Variants in TENM2 observed in about 807,000 individuals in gnomAD.
TENM2 encodes the protein teneurin-2.
TENM2 carries 52 observed loss-of-function variants against 245.2 expected under a neutral mutation model. The observed-to-expected ratio is 0.21, with a 90% CI of 0.17 to 0.27. The LOEUF (loss-of-function observed/expected upper bound fraction) is 0.27, where lower values mean the gene tolerates loss of function less well. TENM2 is among the 10% of genes least tolerant of loss of function. The pLI, the probability that TENM2 is intolerant of heterozygous loss-of-function variation, is 1.00. For synonymous variants in TENM2, 1,363 were observed against 1,438.9 expected, an observed-to-expected ratio of 0.95 and a Z score of 1.19; for missense variants, 3,046 against 3,666.8, an observed-to-expected ratio of 0.83 and a Z score of 4.37.
chr5:167,532,438 C>G (rs1331466168), intron 2 of TENM2, among the ~76,000 whole-genome samples: 2 of 151,978 alleles, frequency 1.3e-5, no homozygotes, highest in Non-Finnish European at 2.9e-5. Context: ...GGAGGCCTCA[C>G]AGTCATGGTG....
chr5:167,430,914 A>G lies in TENM2; in HGVS notation c.502+55441A>G, dbSNP rs142837151. Among the ~76,000 whole-genome samples the G allele has an allele frequency of 8.8e-3, 1,339 of 152,274 alleles. 7 individuals carry two copies. The highest frequency in any genetic ancestry group is 0.021 in the Middle Eastern group (6 of 292). On this transcript the variant is annotated intron_variant, in intron 2 of 28. Coordinates refer to ENST00000518659, the Ensembl canonical transcript of TENM2. ...AGTAGAAAATAGAAATAGGTAATCT[A>G]CTGCTATGTCATATTTCCAATGTTT...
intron 2 of TENM2, among the ~76,000 whole-genome samples, chr5:167,850,043 G>A (rs1298609630): frequency 6.6e-6 from 1 of 152,152 alleles, no homozygotes; most frequent in African/African-American, 2.4e-5. Flanking sequence ...GCTGGAGGAT[G>A]GGCTGAAAGT....
intron 5 of TENM2, among the ~76,000 whole-genome samples, chr5:168,002,313 A>G (rs1014099894): frequency 2.5e-4 from 38 of 152,220 alleles, no homozygotes; most frequent in African/African-American, 8.7e-4. Flanking sequence ...GTCTTTATAA[A>G]AGAAGGGCAT....
At chr5:167,351,680 G>A (rs1164438673) in intron 1 of TENM2, among the ~76,000 whole-genome samples, 4 of 152,142 alleles carry the variant, frequency 2.6e-5, no homozygotes, top group East Asian at 3.9e-4. Context: ...TGGGGGACAA[G>A]GAATGGTGAA....
intron 19 of TENM2, among the ~76,000 whole-genome samples, chr5:168,206,411 A>T (rs982118074): frequency 6.6e-6 from 1 of 152,238 alleles, no homozygotes; most frequent in Non-Finnish European, 1.5e-5. Flanking sequence ...AAGGGGATGA[A>T]ACACAGGCTC....
intron 1 of TENM2, among the ~76,000 whole-genome samples, chr5:167,353,903 T>G (rs1759141337): frequency 6.6e-6 from 1 of 152,170 alleles, no homozygotes; most frequent in Admixed American, 6.6e-5. Flanking sequence ...ACCAAATGAA[T>G]GAAATCTGTT....
chr5:167,180,565 T>C, the TENM2 span, among the ~76,000 whole-genome samples: 2 of 152,104 alleles, frequency 1.3e-5, no homozygotes, highest in Non-Finnish European at 2.9e-5. Flanking sequence ...CACCTTGCAG[T>C]TGAGAATCTG....
At chr5:167,457,409 C>T (rs566279536) in intron 2 of TENM2, among the ~76,000 whole-genome samples, 7 of 151,498 alleles carry the variant, frequency 4.6e-5, no homozygotes, top group South Asian at 2.1e-4. Context: ...CTCAGCTCAC[C>T]GCAACCTCCA....
chr5:167,208,505 G>A, the TENM2 span, among the ~76,000 whole-genome samples: 1 of 152,164 alleles, frequency 6.6e-6, no homozygotes, highest in Non-Finnish European at 1.5e-5. Flanking sequence ...ACGAACACTA[G>A]AACCACCATG....
chr5:167,328,869 G>C (rs754630710), intron 1 of TENM2, among the ~76,000 whole-genome samples: 2 of 152,090 alleles, frequency 1.3e-5, no homozygotes, highest in Non-Finnish European at 2.9e-5. Flanking sequence ...ATTTAACAAA[G>C]TATATATTTT....
chr5:168,259,875 C>G (rs992037150), intron 27 of TENM2, among the ~76,000 whole-genome samples: 1 of 152,166 alleles, frequency 6.6e-6, no homozygotes, highest in East Asian at 1.9e-4. Flanking sequence ...CCAGGCACTG[C>G]GAAAAGCCTT....
intron 25 of TENM2, among the ~76,000 whole-genome samples, chr5:168,236,941 T>TAC (rs1765476682): frequency 1.6e-3 from 1 of 632 alleles, no homozygotes; most frequent in Non-Finnish European, 3.2e-3. Context: ...GTCCTAATCA[T>TAC]ATATATATAT....
At chr5:167,111,999 T>G in the TENM2 span, among the ~76,000 whole-genome samples, 7 of 152,328 alleles carry the variant, frequency 4.6e-5, no homozygotes, top group East Asian at 1.2e-3. Flanking sequence ...CTTGTCACTT[T>G]TTTCTTTATT....
chr5:167,852,027 T>C (rs1305981266), intron 2 of TENM2, among the ~76,000 whole-genome samples: 1 of 152,244 alleles, frequency 6.6e-6, no homozygotes, highest in Admixed American at 6.5e-5. Flanking sequence ...ATATCTTTGA[T>C]AAACTCAATA....
rs555857222 is a variant in TENM2 at position 167,600,450 on chromosome 5, C to T, written c.502+224977C>T. Among the ~76,000 whole-genome samples the T allele has an allele frequency of 5.3e-5, 8 of 152,220 alleles. No individual in the cohort carries two copies. The South Asian group carries it at 1.5e-3, about 28-fold the overall frequency. ...TATGCTACTTAAAAGAGAGTTTTAA[C>T]ATCCCCCATTGCCTTGTAGTTTTTC... On this transcript the variant is annotated intron_variant, in intron 2 of 28. Transcript: ENST00000518659.
chr5:167,451,579 GT>G (rs1304397434), intron 2 of TENM2, among the ~76,000 whole-genome samples: 2 of 152,008 alleles, frequency 1.3e-5, no homozygotes, highest in Admixed American at 1.3e-4. Flanking sequence ...TTTCACACTT[GT>G]CCGAGACCTC....
chr5:167,893,103 T>C (rs998081861), intron 3 of TENM2, among the ~76,000 whole-genome samples: 4 of 152,202 alleles, frequency 2.6e-5, no homozygotes, highest in African/African-American at 7.2e-5. Context: ...GAGGTCTTTT[T>C]ATTCTTCATC....
At chr5:167,705,694 G>A (rs1202745524) in intron 2 of TENM2, among the ~76,000 whole-genome samples, 1 of 152,004 alleles carries the variant, frequency 6.6e-6, no homozygotes, top group African/African-American at 2.4e-5. Context: ...GGCTTATAAA[G>A]CAAAGAGACA....
At chr5:168,156,345 T>G (rs1341939945) in intron 12 of TENM2, among the ~76,000 whole-genome samples, 1 of 150,814 alleles carries the variant, frequency 6.6e-6, no homozygotes, top group Non-Finnish European at 1.5e-5. Context: ...CAGGGACATC[T>G]GGCTTCTCTG....
Sources: allele counts gnomAD v4.1 joint callset (sites outside exome capture counted in the v4.1 genomes callset), GRCh38; gene constraint gnomAD v4.1.1; transcripts MANE v1.5; gene names NCBI Gene and HGNC (gene_info 2026-07-23, HGNC 2026-07-21).